LRBA: variants seen among roughly 807,000 people sequenced by gnomAD.
LRBA encodes lipopolysaccharide-responsive and beige-like anchor protein.
Under a neutral mutation model 330.0 loss-of-function variants are expected in LRBA, and 176 were observed. The ratio of observed to expected loss-of-function variants is 0.53; its 90% CI spans 0.47 to 0.60. LRBA has a LOEUF of 0.60. LRBA is among the 20% of genes least tolerant of loss of function. The pLI is 0.00. For missense variants in LRBA, 3,259 were observed against 3,444.8 expected, an observed-to-expected ratio of 0.95 and a Z score of 1.35; for synonymous variants, 1,230 against 1,193.0, an observed-to-expected ratio of 1.03 and a Z score of -0.64.
intron 43 of LRBA, among the ~76,000 whole-genome samples, chr4:150,470,822 A>C (rs1415871715): frequency 1.4e-5 from 2 of 147,008 alleles, no homozygotes; most frequent in Non-Finnish European, 3.0e-5. Context: ...ACTGATACCT[A>C]ATGGAAGCCC....
In LRBA at chr4:150,770,168, G is replaced by A. The variant is rs555420875; in HGVS notation, c.5581-8321C>T. Among the ~76,000 whole-genome samples, 17 of 152,262 alleles carry A rather than the reference G, an allele frequency of 1.1e-4. No individual in the cohort carries two copies. The East Asian group carries it at 2.9e-3, about 26-fold the overall frequency. On this transcript the variant is annotated intron_variant, in intron 34 of 56. Transcript: ENST00000651943. ...GTTGGGAAAGACATCCTCTTCACTTGCCCTCACATTAGCACTCCAGGGTCT... is the reference window on the plus strand; with the variant it reads ...GTTGGGAAAGACATCCTCTTCACTTACCCTCACATTAGCACTCCAGGGTCT...
intron 53 of LRBA, among the ~76,000 whole-genome samples, chr4:150,302,340 A>C (rs1050804396): frequency 1.3e-5 from 2 of 152,204 alleles, no homozygotes; most frequent in African/African-American, 4.8e-5. Context: ...ATCTTCATGA[A>C]TAAAAACTAC....
intron 31 of LRBA, among the ~76,000 whole-genome samples, chr4:150,813,173 A>AAAG (rs1553967417): frequency 4.5e-5 from 2 of 44,400 alleles, no homozygotes; most frequent in East Asian, 1.3e-3. Context: ...AAAAAAAAAA[A>AAAG]AAAGAAAGAA....
intron 47 of LRBA, among the ~76,000 whole-genome samples, chr4:150,372,214 T>A (rs1740430977): frequency 6.6e-6 from 1 of 152,226 alleles, no homozygotes; most frequent in Non-Finnish European, 1.5e-5. Flanking sequence ...ATTTGAGTAC[T>A]GTGATAATTT....
chr4:150,806,578 T>C (rs2126717184), intron 32 of LRBA, among the ~76,000 whole-genome samples, 174 bp from the exon 33 acceptor site: 1 of 152,230 alleles, frequency 6.6e-6, no homozygotes, highest in East Asian at 1.9e-4. Context: ...ATATTCGTTT[T>C]TATCCTGATC....
chr4:150,798,219 T>G, intron 33 of LRBA, 77 bp from the exon 34 acceptor site: 3 of 929,638 alleles, frequency 3.2e-6, no homozygotes, highest in South Asian at 2.7e-5. Flanking sequence ...TCCAAACTGT[T>G]TCTTCAAATT....
intron 34 of LRBA, among the ~76,000 whole-genome samples, chr4:150,777,917 T>C (rs1485172441): frequency 3.0e-5 from 4 of 132,038 alleles, no homozygotes; most frequent in African/African-American, 8.8e-5. Context: ...GAGGTTGCAG[T>C]GAGCCAAGAT....
At chr4:150,792,586 G>A (rs1740117572) in intron 34 of LRBA, among the ~76,000 whole-genome samples, 1 of 152,138 alleles carries the variant, frequency 6.6e-6, no homozygotes, top group South Asian at 2.1e-4. Context: ...CTAGCTCACT[G>A]TAACCTCGAA....
chr4:150,637,364 A>G, intron 37 of LRBA, among the ~76,000 whole-genome samples: 1 of 152,166 alleles, frequency 6.6e-6, no homozygotes, highest in Non-Finnish European at 1.5e-5. Context: ...GGTAGTGTAT[A>G]TACTGAATTT....
intron 2 of LRBA, among the ~76,000 whole-genome samples, chr4:150,994,014 G>A (rs923482269): frequency 1.4e-5 from 2 of 147,678 alleles, no homozygotes; most frequent in African/African-American, 2.5e-5. Context: ...GCAGTGAGCC[G>A]AGATCATACC....
At chr4:150,302,504 A>G in intron 53 of LRBA, 121 bp downstream of exon 53, 1 of 513,152 alleles carries the variant, frequency 1.9e-6, no homozygotes, top group Admixed American at 4.0e-5. Flanking sequence ...TTAAATTATA[A>G]TAAATAAAAA....
intron 2 of LRBA, among the ~76,000 whole-genome samples, chr4:150,929,893 T>G (rs1734278479): frequency 6.6e-6 from 1 of 152,194 alleles, no homozygotes; most frequent in South Asian, 2.1e-4. Context: ...TTTTTAAAGA[T>G]CTCTGTCAGA....
rs1750216746 is a variant in LRBA at position 150,848,817 on chromosome 4, C to T, written c.4339+1G>A. On this transcript the variant is annotated splice_donor_variant, in intron 26 of 56. Coordinates refer to ENST00000651943, the MANE Select transcript of LRBA (RefSeq NM_001364905.1). LOFTEE classifies it high-confidence loss of function. ...ATTCCCAACGGTTTTTAGCAGCTCACCTAGTCGGAGACACTGCCGCAAAAT... is the reference window on the plus strand; with the variant it reads ...ATTCCCAACGGTTTTTAGCAGCTCATCTAGTCGGAGACACTGCCGCAAAAT... 6.3e-7 allele frequency: 1 copy of T among 1,591,746 alleles called. No homozygotes were observed.
chr4:150,526,818 C>G (rs1359374192), intron 40 of LRBA, among the ~76,000 whole-genome samples: 2 of 151,872 alleles, frequency 1.3e-5, no homozygotes, highest in African/African-American at 4.8e-5. Context: ...AAACATGATG[C>G]CATTATCATG....
intron 34 of LRBA, among the ~76,000 whole-genome samples, chr4:150,781,700 T>C (rs1276516047): frequency 1.3e-5 from 2 of 152,220 alleles, no homozygotes; most frequent in Non-Finnish European, 2.9e-5. Context: ...AGTGCATCTC[T>C]CTAGTGGTAT....
chr4:150,796,340 C>T (rs1740785833), intron 34 of LRBA, among the ~76,000 whole-genome samples: 1 of 151,902 alleles, frequency 6.6e-6, no homozygotes, highest in South Asian at 2.1e-4. Context: ...ATTATCACCC[C>T]AGAACAATCT....
At chr4:150,552,309 T>C (rs944748119) in intron 40 of LRBA, among the ~76,000 whole-genome samples, 6 of 152,154 alleles carry the variant, frequency 3.9e-5, no homozygotes, top group Non-Finnish European at 8.8e-5. Context: ...CCAATAACCA[T>C]ATCCTGTACA....
chr4:150,570,020 C>T (rs1769638293), intron 40 of LRBA, among the ~76,000 whole-genome samples: 1 of 152,114 alleles, frequency 6.6e-6, no homozygotes, highest in South Asian at 2.1e-4. Flanking sequence ...ATTAGTGTTT[C>T]TCTCAAACTA....
At position 150,798,052 on chromosome 4, in the gene LRBA, T is replaced by C. The variant is rs774611228; in HGVS notation, c.5580+29A>G. 4 of 1,488,042 alleles carry C rather than the reference T, an allele frequency of 2.7e-6. No homozygotes were observed. The Admixed American group carries it at 6.9e-5, about 26-fold the overall frequency. The allele number at this position is 1,488,042 out of a possible 1,614,324, so 92.2% of individuals were successfully genotyped here. On this transcript the variant is annotated intron_variant, in intron 34 of 56. Transcript: ENST00000651943. ...AACAAATTCATGTGATAATCTACTT[T>C]TAATTCAACATTTATTCTTGCCACT...
Sources: gnomAD v4.1 joint callset for allele counts (sites outside exome capture counted in the v4.1 genomes callset) on GRCh38, gnomAD v4.1.1 for gene constraint, MANE v1.5 for transcripts, NCBI Gene and HGNC (gene_info 2026-07-23, HGNC 2026-07-21) for gene names.